The following TTBK1 variants were observed in gnomAD, a reference collection of about 807,000 sequenced individuals.
TTBK1 encodes tau-tubulin kinase 1.
TTBK1 carries 34 observed loss-of-function variants against 108.5 expected under a neutral mutation model. That is an observed-to-expected ratio of 0.31 (90% CI 0.24 to 0.42). TTBK1 has a LOEUF of 0.42. Among genes scored for constraint, TTBK1 ranks in the 10% least tolerant of loss-of-function variants. The probability of loss-of-function intolerance (pLI) is 1.00; values close to 1 mark genes in which losing one functional copy is unlikely to be tolerated. For synonymous variants in TTBK1, 809 were observed against 795.1 expected, an observed-to-expected ratio of 1.02 and a Z score of -0.29; for missense variants, 1,539 against 1,826.0, an observed-to-expected ratio of 0.84 and a Z score of 2.86.
In TTBK1 at chr6:43,256,296, C is replaced by T. The variant is rs148603075; in HGVS notation, c.861+440C>T. Reference sequence around the variant, plus strand: ...GACTACAGGCACGTGCCACCATGCCCGGCTAATTTGTGTATTTTTATTTGA... The same window carrying T: ...GACTACAGGCACGTGCCACCATGCCTGGCTAATTTGTGTATTTTTATTTGA... On this transcript the variant is annotated intron_variant, in intron 9 of 14. Coordinates refer to ENST00000259750, the MANE Select transcript of TTBK1 (RefSeq NM_032538.3). Among the ~76,000 whole-genome samples the T allele has an allele frequency of 6.3e-3, 958 of 152,182 alleles. 5 individuals carry two copies. The highest frequency in any genetic ancestry group is 0.027 in the Middle Eastern group (8 of 294).
At chr6:43,280,822 G>A (rs1034177198) in intron 13 of TTBK1, among the ~76,000 whole-genome samples, 2 of 152,154 alleles carry the variant, frequency 1.3e-5, no homozygotes, top group African/African-American at 4.8e-5. Context: ...AAGACCAGGA[G>A]CTGTTTGAGC....
chr6:43,249,009 T>A (rs1437163003), intron 2 of TTBK1, among the ~76,000 whole-genome samples: 1 of 152,108 alleles, frequency 6.6e-6, no homozygotes, highest in African/African-American at 2.4e-5. Flanking sequence ...ATTAATCCCA[T>A]TTCACAGGTG....
Position 43,282,817 on chromosome 6 carries a change from T to G in TTBK1, c.2077T>G (p.Ser693Ala). 1.2e-6 allele frequency: 2 copies of G among 1,613,836 alleles called. No homozygotes were observed. Among genetic ancestry groups the G allele is most frequent in the Non-Finnish European group, 1.7e-6 (2 of 1,179,948 alleles). The change falls in exon 14 of 15, where the codon TCC (serine) becomes GCC (alanine). Residue 693 changes from serine to alanine, a missense_variant. This residue lies in a region of TTBK1 where 1,055 missense variants were observed against 1,086.5 expected (regional missense o/e 0.97). Transcript: ENST00000259750. This position sits in a 1 kb window ranked among gnomAD's most constrained non-coding sequence, Gnocchi z 5.4. ...LPYQDFKRDL[S>A]DYRERARLLN... Reference sequence around the variant, plus strand: ...CTACCAGGACTTCAAAAGAGACCTCTCCGATTACCGAGAACGGGCGCGGTT... The same window carrying G: ...CTACCAGGACTTCAAAAGAGACCTCGCCGATTACCGAGAACGGGCGCGGTT...
At chr6:43,247,017 C>A (rs1777107585) in intron 2 of TTBK1, among the ~76,000 whole-genome samples, 1 of 152,162 alleles carries the variant, frequency 6.6e-6, no homozygotes, top group Admixed American at 6.5e-5. Flanking sequence ...TCAGGCCAAG[C>A]CCGGAACAAC....
intron 13 of TTBK1, among the ~76,000 whole-genome samples, chr6:43,268,745 C>A (rs1476286445): frequency 6.6e-6 from 1 of 152,228 alleles, no homozygotes; most frequent in African/African-American, 2.4e-5. Flanking sequence ...CAGCCCTGTA[C>A]ACAAGCTGCC....
At chr6:43,270,026 A>G in intron 13 of TTBK1, 1 of 1,424,626 alleles carries the variant, frequency 7.0e-7, no homozygotes, top group Non-Finnish European at 9.1e-7. Flanking sequence ...GTTCCTTCCC[A>G]GGACGCAATA....
At chr6:43,272,211 C>T (rs1312984436) in intron 13 of TTBK1, 64 of 985,334 alleles carry the variant, frequency 6.5e-5, no homozygotes, top group Non-Finnish European at 7.7e-5. Flanking sequence ...CCCCCCCACC[C>T]AATCTGGGGT....
chr6:43,282,742 C>T lies in TTBK1; in HGVS notation c.2002C>T (p.Pro668Ser), dbSNP rs758229773. Residue 668 changes from proline (P) to serine (S), a missense_variant, in exon 14 of 15, where the codon CCC becomes TCC. This residue lies in a region of TTBK1 where 1,055 missense variants were observed against 1,086.5 expected (regional missense o/e 0.97). Coordinates refer to ENST00000259750, the MANE Select transcript of TTBK1 (RefSeq NM_032538.3). The surrounding 1 kb of genome is among the most constrained non-coding windows in gnomAD (Gnocchi z 5.4). The part of the protein sequence containing the change: ...GPQRQVFSVA[P>S]PFEVNGLPRA... ...CCCCTTGCAGGTGTTCTCCGTGGCG[C>T]CCCCATTTGAGGTGAATGGCCTCCC... 1 of 1,604,812 alleles carries T rather than the reference C, an allele frequency of 6.2e-7. No individual in the cohort carries two copies. Among genetic ancestry groups the T allele is most frequent in the Non-Finnish European group, 8.5e-7 (1 of 1,176,492 alleles).
chr6:43,250,104 G>A (rs1240961694), intron 2 of TTBK1, among the ~76,000 whole-genome samples: 2 of 151,954 alleles, frequency 1.3e-5, no homozygotes, highest in African/African-American at 4.8e-5. Flanking sequence ...AATAGGTTCT[G>A]CTGGGAAATG....
At chr6:43,250,083 AAAG>A (rs1236829560) in intron 2 of TTBK1, among the ~76,000 whole-genome samples, 3 of 151,692 alleles carry the variant, frequency 2.0e-5, no homozygotes, top group Non-Finnish European at 4.4e-5. Context: ...GAAGGGGTGT[AAAG>A]AAGGAGAAAT....
intron 13 of TTBK1, among the ~76,000 whole-genome samples, chr6:43,266,107 G>A (rs1777670777): frequency 6.6e-6 from 1 of 152,160 alleles, no homozygotes; most frequent in African/African-American, 2.4e-5. Flanking sequence ...TGTCTTTGGG[G>A]GTGAGGTGTT....
In TTBK1 at chr6:43,282,404, C is replaced by T. The variant is rs181712177; in HGVS notation, c.1987-323C>T. ...TGACTCGGGTGCAGGATGCACATGG[C>T]GATGAGAGGGGCTGGGGACATAGAG... On this transcript the variant is annotated intron_variant, in intron 13 of 14. Transcript: ENST00000259750. This position sits in a 1 kb window ranked among gnomAD's most constrained non-coding sequence, Gnocchi z 5.4. 6.5e-4 allele frequency among the ~76,000 whole-genome samples: 99 copies of T among 152,254 alleles called. 1 individual carries two copies. The highest frequency in any genetic ancestry group is 1.1e-3 in the Admixed American group (17 of 15,304).
intron 14 of TTBK1, 120 bp downstream of exon 14, chr6:43,284,432 C>A: frequency 3.0e-6 from 3 of 1,015,146 alleles, no homozygotes; most frequent in South Asian, 2.0e-5. Context: ...CTCAGTGACA[C>A]CTCCTGTCCA....
At chr6:43,272,104 T>C in intron 13 of TTBK1, 2 of 985,520 alleles carry the variant, frequency 2.0e-6, no homozygotes, top group South Asian at 4.7e-5. Flanking sequence ...CACCTCCTCT[T>C]GCCCTCTTCC....
rs1778001615 is a variant in TTBK1 at position 43,276,422 on chromosome 6, C to A, written c.1987-6305C>A. 1.3e-5 allele frequency among the ~76,000 whole-genome samples: 2 copies of A among 152,272 alleles called. No homozygotes were observed. The highest frequency in any genetic ancestry group is 4.8e-5 in the African/African-American group (2 of 41,580). On this transcript the variant is annotated intron_variant, in intron 13 of 14. Transcript: ENST00000259750. The surrounding 1 kb of genome is among the most constrained non-coding windows in gnomAD (Gnocchi z 5.4). ...ATGCACTGAGCCCCCTGCCCCTAGACTGCGAGTACTGTACAAATCCAACAC... is the reference window on the plus strand; with the variant it reads ...ATGCACTGAGCCCCCTGCCCCTAGAATGCGAGTACTGTACAAATCCAACAC...
At position 43,255,441 on chromosome 6, in the gene TTBK1, A is replaced by C. The variant is rs1320589561; in HGVS notation, c.643-111A>C. The C allele has an allele frequency of 5.0e-6, 5 of 998,756 alleles. No individual in the cohort carries two copies. In the Admixed American group the frequency reaches 1.0e-4, roughly 20 times the overall value. The allele number at this position is 998,756 out of a possible 1,614,324, so 61.9% of individuals were successfully genotyped here. On this transcript the variant is annotated intron_variant, in intron 7 of 14. Coordinates refer to ENST00000259750, the MANE Select transcript of TTBK1 (RefSeq NM_032538.3). Reference sequence around the variant, plus strand: ...TCAGGGAGACCCCAGTTCTGTCCTTAGGGGCCTGGGTGTCAGGCCTCCCTG... The same window carrying C: ...TCAGGGAGACCCCAGTTCTGTCCTTCGGGGCCTGGGTGTCAGGCCTCCCTG...
At position 43,276,012 on chromosome 6, in the gene TTBK1, T is replaced by G. The variant is rs1239255349; in HGVS notation, c.1987-6715T>G. Among the ~76,000 whole-genome samples, 3 of 151,944 alleles carry G rather than the reference T, an allele frequency of 2.0e-5. No individual in the cohort carries two copies. The highest frequency in any genetic ancestry group is 4.4e-5 in the Non-Finnish European group (3 of 67,974). ...GAGAAACTCAGCACCGGGGCCCAGC[T>G]GAGCCCCTTCCTGCGTAAGGAGACG... On this transcript the variant is annotated intron_variant, in intron 13 of 14. Transcript: ENST00000259750. This position sits in a 1 kb window ranked among gnomAD's most constrained non-coding sequence, Gnocchi z 5.4.
At position 43,283,188 on chromosome 6, in the gene TTBK1, C is replaced by T. The variant is rs1375989962; in HGVS notation, c.2448C>T (p.Ser816=). 8.4e-6 allele frequency: 13 copies of T among 1,553,392 alleles called. No homozygotes were observed. The highest frequency in any genetic ancestry group is 5.9e-5 in the Admixed American group (3 of 51,246). The part of the protein sequence containing the change: ...STLLADDQKE[S]RGRASMADGD... ...TGCTGGCAGACGATCAGAAGGAGTC[C>T]AGGGGCCGGGCCTCCATGGCCGATG... The change falls in exon 14 of 15, where the codon TCC becomes TCT. Residue 816 remains serine, a synonymous_variant. Transcript: ENST00000259750. The surrounding 1 kb of genome is among the most constrained non-coding windows in gnomAD (Gnocchi z 8.1).
At position 43,276,226 on chromosome 6, in the gene TTBK1, C is replaced by T. The variant is rs2150708334; in HGVS notation, c.1987-6501C>T. Among the ~76,000 whole-genome samples, 1 of 152,318 alleles carries T rather than the reference C, an allele frequency of 6.6e-6. No individual in the cohort carries two copies. Among genetic ancestry groups the T allele is most frequent in the African/African-American group, 2.4e-5 (1 of 41,574 alleles). ...ATTATACGCTTGCACTATTTCCCGA[C>T]CCTGGCCAGCGGAAGCATGCACGAA... On this transcript the variant is annotated intron_variant, in intron 13 of 14. Coordinates refer to ENST00000259750, the MANE Select transcript of TTBK1 (RefSeq NM_032538.3). The surrounding 1 kb of genome is among the most constrained non-coding windows in gnomAD (Gnocchi z 5.4).
Sources: gnomAD v4.1 joint callset for allele counts (sites outside exome capture counted in the v4.1 genomes callset) on GRCh38, gnomAD v4.1.1 for gene constraint, gnomAD v4.1.1 regional missense constraint, Gnocchi (gnomAD v3.1) non-coding constraint, MANE v1.5 for transcripts, NCBI Gene and HGNC (gene_info 2026-07-23, HGNC 2026-07-21) for gene names.